The following CDKL2 variants were observed in gnomAD, a reference collection of about 807,000 sequenced individuals.
The protein encoded by CDKL2 is cyclin-dependent kinase-like 2.
CDKL2 carries 64 observed loss-of-function variants against 63.9 expected under a neutral mutation model. The observed-to-expected ratio is 1.00, with a 90% CI of 0.82 to 1.23. CDKL2 has a LOEUF of 1.23. CDKL2 is among the 50% of genes most tolerant of loss of function. The pLI, the probability that CDKL2 is intolerant of heterozygous loss-of-function variation, is 0.00. For missense variants in CDKL2, 656 were observed against 668.0 expected, an observed-to-expected ratio of 0.98 and a Z score of 0.20; for synonymous variants, 211 against 229.2, an observed-to-expected ratio of 0.92 and a Z score of 0.72.
At chr4:75,583,146 C>A (rs917513606) in intron 12 of CDKL2, among the ~76,000 whole-genome samples, 10 of 152,160 alleles carry the variant, frequency 6.6e-5, no homozygotes, top group Non-Finnish European at 1.2e-4. Context: ...ATATAAAAGA[C>A]AACTTTTTCT....
chr4:75,619,442 C>T (rs1730063512), intron 2 of CDKL2, among the ~76,000 whole-genome samples: 1 of 151,904 alleles, frequency 6.6e-6, no homozygotes, highest in South Asian at 2.1e-4. Flanking sequence ...AGCACACAGG[C>T]CAGAGATGGT....
rs375476971 is a variant in CDKL2 at position 75,596,990 on chromosome 4, C to G, written c.1267G>C (p.Ala423Pro). The part of the protein sequence containing the change: ...PPLTHNLSAV[A>P]PSINSGMGTE... The stretch of plus-strand genomic sequence containing the variant: ...CCCATTCCAGAATTAATGCTGGGAG[C>G]AACTGCAGAAAGATTGTGTGTAAGT... The change falls in exon 9 of 14, where the codon GCT becomes CCT. Residue 423 changes from alanine (A) to proline (P), a missense_variant. Transcript: ENST00000307465. The G allele has an allele frequency of 3.6e-5, 58 of 1,614,062 alleles. No homozygotes were observed. The highest frequency in any genetic ancestry group is 4.7e-5 in the Non-Finnish European group (55 of 1,180,022).
At chr4:75,619,555 T>C (rs1304098785) in intron 2 of CDKL2, among the ~76,000 whole-genome samples, 1 of 123,578 alleles carries the variant, frequency 8.1e-6, no homozygotes, top group African/African-American at 3.1e-5. Flanking sequence ...ACCTCCCACA[T>C]GGTGATGGGC....
intron 1 of CDKL2, 104 bp downstream of exon 1, chr4:75,629,938 C>CAAAAAAAAAAAAA (rs747587721): frequency 4.0e-5 from 3 of 74,174 alleles, no homozygotes; most frequent in Non-Finnish European, 7.5e-5. Context: ...AACTCCGTCT[C>CAAAAAAAAAAAAA]AAAAAAAAAA....
In CDKL2 at chr4:75,588,214, C is replaced by CAA. The variant is rs35209743; in HGVS notation, c.1647+3603_1647+3604dup. Among the ~76,000 whole-genome samples, 77 of 80,594 alleles carry CAA rather than the reference C, an allele frequency of 9.6e-4. 1 individual carries two copies. The highest frequency in any genetic ancestry group is 2.9e-3 in the African/African-American group (71 of 24,220). 52.9% of individuals were successfully genotyped at this position (80,594 alleles called of 152,430 possible). On this transcript the variant is annotated intron_variant, in intron 12 of 13. Transcript: ENST00000307465. ...GGGCAACAAGAGCAAAACTCAGTCTCAAAAAAAAAAAAAAAAAATTATCCA... is the reference window on the plus strand; with the variant it reads ...GGGCAACAAGAGCAAAACTCAGTCTCAAAAAAAAAAAAAAAAAAAATTATCCA...
intron 10 of CDKL2, 68 bp from the exon 11 acceptor site, chr4:75,592,337 T>C: frequency 7.4e-7 from 1 of 1,353,970 alleles, no homozygotes; most frequent in Non-Finnish European, 9.7e-7. Context: ...CCTTCTTCTG[T>C]AACTCCTATG....
At chr4:75,597,287 A>C in intron 8 of CDKL2, 51 bp from the exon 9 acceptor site, 1 of 1,158,902 alleles carries the variant, frequency 8.6e-7, no homozygotes, top group South Asian at 1.4e-5. Flanking sequence ...AGAGAATGAA[A>C]ATTTACCTCT....
intron 2 of CDKL2, among the ~76,000 whole-genome samples, chr4:75,614,741 C>A (rs1729852006): frequency 6.6e-6 from 1 of 151,600 alleles, no homozygotes; most frequent in Non-Finnish European, 1.5e-5. Context: ...CCCCTACTCA[C>A]AACAAATGAG....
chr4:75,610,314 T>A (rs891713451), intron 3 of CDKL2, among the ~76,000 whole-genome samples: 2 of 152,138 alleles, frequency 1.3e-5, no homozygotes, highest in Admixed American at 1.3e-4. Context: ...TCTAAGTCTA[T>A]CCTCTCGGCC....
At chr4:75,581,929 CT>C in intron 12 of CDKL2, 31 bp from the exon 13 acceptor site, 1 of 1,475,230 alleles carries the variant, frequency 6.8e-7, no homozygotes, top group South Asian at 1.2e-5. Context: ...ATCATAGGTT[CT>C]CAGTAATTGC....
At chr4:75,617,643 C>T (rs1483444448) in intron 2 of CDKL2, among the ~76,000 whole-genome samples, 10 of 152,182 alleles carry the variant, frequency 6.6e-5, no homozygotes. Flanking sequence ...TCACTTGTTC[C>T]ATTGGGCTGT....
chr4:75,599,358 T>C (rs902869192), intron 7 of CDKL2, among the ~76,000 whole-genome samples: 15 of 151,926 alleles, frequency 9.9e-5, no homozygotes, highest in African/African-American at 3.4e-4. Context: ...GGTCAGGAGT[T>C]CAAGACCAGC....
intron 8 of CDKL2, 97 bp from the exon 9 acceptor site, chr4:75,597,333 A>T: frequency 8.2e-6 from 6 of 734,592 alleles, no homozygotes; most frequent in Non-Finnish European, 1.3e-5. Flanking sequence ...GCAGAATATC[A>T]TAAGTATCAC....
At chr4:75,629,952 A>G (rs1325915408) in intron 1 of CDKL2, 90 bp downstream of exon 1, 5 of 52,506 alleles carry the variant, frequency 9.5e-5, no homozygotes, top group African/African-American at 6.9e-4. Context: ...AAAAAAAAAA[A>G]AAAAAAAAAA....
intron 2 of CDKL2, among the ~76,000 whole-genome samples, chr4:75,624,870 G>A (rs530543098): frequency 6.2e-4 from 94 of 151,914 alleles, no homozygotes; most frequent in South Asian, 2.5e-3. Context: ...AAAAACCAAC[G>A]AAACAAAATA....
intron 4 of CDKL2, among the ~76,000 whole-genome samples, chr4:75,606,019 T>C (rs1357136940): frequency 6.6e-6 from 1 of 152,158 alleles, no homozygotes; most frequent in East Asian, 1.9e-4. Flanking sequence ...AAACAGTTAT[T>C]ATGTATACTT....
At chr4:75,608,501 G>C (rs1729532095) in intron 3 of CDKL2, among the ~76,000 whole-genome samples, 1 of 152,116 alleles carries the variant, frequency 6.6e-6, no homozygotes. Flanking sequence ...AGGAAGTGTG[G>C]CAAGACCCTG....
At chr4:75,610,452 A>G (rs1729641620) in intron 3 of CDKL2, among the ~76,000 whole-genome samples, 1 of 152,130 alleles carries the variant, frequency 6.6e-6, no homozygotes, top group African/African-American at 2.4e-5. Flanking sequence ...CCTAAAATCC[A>G]TCATTGCAGA....
intron 10 of CDKL2, among the ~76,000 whole-genome samples, chr4:75,595,003 A>G (rs1728855260): frequency 6.6e-6 from 1 of 152,014 alleles, no homozygotes; most frequent in Non-Finnish European, 1.5e-5. Flanking sequence ...CAAAAGAGAA[A>G]CATTCTGGAG....
Sources: gnomAD v4.1 joint callset for allele counts (sites outside exome capture counted in the v4.1 genomes callset) on GRCh38, gnomAD v4.1.1 for gene constraint, MANE v1.5 for transcripts, NCBI Gene and HGNC (gene_info 2026-07-23, HGNC 2026-07-21) for gene names.